Variants in TMC5 observed in about 807,000 individuals in gnomAD.
TMC5 encodes the protein transmembrane channel like 5, also known as transmembrane channel-like protein 5.
Under a neutral mutation model 110.5 loss-of-function variants are expected in TMC5, and 86 were observed. The ratio of observed to expected loss-of-function variants is 0.78; its 90% confidence interval spans 0.65 to 0.93. TMC5 has a LOEUF of 0.93. TMC5 is among the 40% of genes least tolerant of loss of function. The probability of loss-of-function intolerance (pLI) is 0.00; values close to 1 mark genes in which losing one functional copy is unlikely to be tolerated. For missense variants in TMC5, 1,144 were observed against 1,222.8 expected, an observed-to-expected ratio of 0.94 and a Z score of 0.96; for synonymous variants, 455 against 439.5, an observed-to-expected ratio of 1.04 and a Z score of -0.44.
At position 19,498,264 on chromosome 16, in the gene TMC5, ATTATC is replaced by A. The variant is rs1969107189; in HGVS notation, c.*301_*305del. On this transcript the variant is annotated 3_prime_UTR_variant, in exon 22 of 22. Coordinates refer to ENST00000542583, the MANE Select transcript of TMC5 (RefSeq NM_001261841.2). The stretch of plus-strand genomic sequence containing the variant: ...AAGAGATAACTAGGGAATAATGTAT[ATTATC>A]TTCAAGAAGTGTGTGCAGGAATGAT... 1 of 389,236 alleles carries A rather than the reference ATTATC, an allele frequency of 2.6e-6. No homozygotes were observed. Among genetic ancestry groups the A allele is most frequent in the South Asian group, 2.7e-5 (1 of 37,398 alleles). 24.1% of individuals were successfully genotyped at this position (389,236 alleles called of 1,614,324 possible).
chr16:19,434,392 TATAATATATATATC>T (rs1392137831), intron 2 of TMC5, among the ~76,000 whole-genome samples: 96 of 6,550 alleles, frequency 0.015, 3 homozygotes, highest in African/African-American at 0.042. Flanking sequence ...ATAATATAGA[TATAATATATATATC>T]ATATATATCT....
chr16:19,464,090 C>A, intron 8 of TMC5, 66 bp downstream of exon 8: 1 of 1,553,458 alleles, frequency 6.4e-7, no homozygotes. Context: ...ACGTGCCTTG[C>A]CGGTCACCCA....
chr16:19,452,386 G>C (rs1047615144), intron 5 of TMC5, among the ~76,000 whole-genome samples: 8 of 152,070 alleles, frequency 5.3e-5, no homozygotes, highest in African/African-American at 1.9e-4. Context: ...TTATTGGGAG[G>C]CTTCATTACA....
chr16:19,455,613 T>A (rs1967849137), intron 5 of TMC5, among the ~76,000 whole-genome samples: 1 of 152,086 alleles, frequency 6.6e-6, no homozygotes, highest in African/African-American at 2.4e-5. Context: ...GGAGGAAGAC[T>A]GGTGAAGGGC....
At chr16:19,451,270 G>A (rs1018981279) in intron 5 of TMC5, among the ~76,000 whole-genome samples, 1 of 152,114 alleles carries the variant, frequency 6.6e-6, no homozygotes, top group Non-Finnish European at 1.5e-5. Context: ...TGCGTGTGGA[G>A]AGAAGCCACT....
At position 19,460,222 on chromosome 16, in the gene TMC5, A is replaced by G; in HGVS notation, c.1049-13A>G. On this transcript the variant is annotated splice_polypyrimidine_tract_variant and intron_variant, in intron 5 of 21. Coordinates refer to ENST00000542583, the MANE Select transcript of TMC5 (RefSeq NM_001261841.2). Reference sequence around the variant, plus strand: ...AGAAAAAAGAAATTAAATTCCATTAATTTCTTTCATAGGACAGAAGTTAAT... The same window carrying G: ...AGAAAAAAGAAATTAAATTCCATTAGTTTCTTTCATAGGACAGAAGTTAAT... 1 of 1,588,344 alleles carries G rather than the reference A, an allele frequency of 6.3e-7. No individual in the cohort carries two copies. The highest frequency in any genetic ancestry group is 8.6e-7 in the Non-Finnish European group (1 of 1,163,172).
chr16:19,456,944 A>T, intron 5 of TMC5: 1 of 1,614,204 alleles, frequency 6.2e-7, no homozygotes, highest in East Asian at 2.2e-5. Flanking sequence ...GAATGAGTCG[A>T]TGTCTCAGAC....
chr16:19,435,150 C>T (rs1016684672), intron 2 of TMC5, among the ~76,000 whole-genome samples: 8 of 151,966 alleles, frequency 5.3e-5, no homozygotes, highest in Admixed American at 4.6e-4. Flanking sequence ...CTGGGAGAAT[C>T]GGAAGGTTTT....
chr16:19,421,197 T>TC (rs1966974693), intron 1 of TMC5, among the ~76,000 whole-genome samples: 1 of 152,224 alleles, frequency 6.6e-6, no homozygotes, highest in Non-Finnish European at 1.5e-5. Context: ...GATTTTTTTT[T>TC]CATCATGGGT....
intron 4 of TMC5, among the ~76,000 whole-genome samples, chr16:19,445,466 T>C (rs1967593278): frequency 6.6e-6 from 1 of 152,084 alleles, no homozygotes; most frequent in South Asian, 2.1e-4. Flanking sequence ...GGCCTTGAAC[T>C]CCTGGCTTCA....
intron 5 of TMC5, among the ~76,000 whole-genome samples, chr16:19,457,744 G>C (rs1473315235): frequency 8.8e-5 from 1 of 11,346 alleles, no homozygotes; most frequent in East Asian, 4.2e-3. Flanking sequence ...TTTTTTTTTT[G>C]AGACAAAGTC....
At chr16:19,449,690 C>A (rs1179910389) in intron 5 of TMC5, 59 bp downstream of exon 5, 40 of 1,500,258 alleles carry the variant, frequency 2.7e-5, no homozygotes, top group African/African-American at 5.5e-5. Context: ...ATTGTAATCC[C>A]CATGTGTCGG....
chr16:19,420,927 A>C (rs1348357595), intron 1 of TMC5, among the ~76,000 whole-genome samples: 1 of 152,210 alleles, frequency 6.6e-6, no homozygotes, highest in Non-Finnish European at 1.5e-5. Context: ...ATCCTGTGTC[A>C]GAGACTTGAG....
At chr16:19,462,315 T>C (rs1290715247) in intron 6 of TMC5, among the ~76,000 whole-genome samples, 1 of 152,160 alleles carries the variant, frequency 6.6e-6, no homozygotes, top group Non-Finnish European at 1.5e-5. Flanking sequence ...TTGATGCCAA[T>C]ATCACCCCCT....
At chr16:19,496,252 C>T (rs1451363820) in intron 20 of TMC5, among the ~76,000 whole-genome samples, 2 of 152,124 alleles carry the variant, frequency 1.3e-5, no homozygotes, top group African/African-American at 4.8e-5. Flanking sequence ...ATATCATTCC[C>T]TTAAAAAGAT....
chr16:19,480,804 CAAAA>C (rs34237812), intron 14 of TMC5, among the ~76,000 whole-genome samples: 15 of 75,220 alleles, frequency 2.0e-4, no homozygotes, highest in African/African-American at 4.9e-4. Context: ...GACTCCATCT[CAAAA>C]AAAAAAAAAA....
intron 1 of TMC5, among the ~76,000 whole-genome samples, chr16:19,425,279 A>G (rs1330416560): frequency 6.6e-6 from 1 of 151,188 alleles, no homozygotes; most frequent in Non-Finnish European, 1.5e-5. Context: ...ATTCTATGTC[A>G]CTTTATGTCA....
At chr16:19,478,361 G>A (rs1171962495) in intron 13 of TMC5, among the ~76,000 whole-genome samples, 1 of 152,128 alleles carries the variant, frequency 6.6e-6, no homozygotes, top group Non-Finnish European at 1.5e-5. Flanking sequence ...ACATGAACAT[G>A]GCACCCTCAA....
chr16:19,471,601 A>G (rs1968343640), intron 10 of TMC5, among the ~76,000 whole-genome samples: 4 of 152,290 alleles, frequency 2.6e-5, no homozygotes, highest in African/African-American at 9.6e-5. Context: ...GGTCTCCCAT[A>G]ATCCATGTTC....
Sources: gnomAD v4.1 joint callset for allele counts (sites outside exome capture counted in the v4.1 genomes callset) on GRCh38, gnomAD v4.1.1 for gene constraint, MANE v1.5 for transcripts, NCBI Gene and HGNC (gene_info 2026-07-23, HGNC 2026-07-21) for gene names.